The following DLEU7 variants were observed in gnomAD, a reference collection of about 807,000 sequenced individuals.
DLEU7 encodes deleted in lymphocytic leukemia 7.
In DLEU7, 17 loss-of-function variants were observed where a neutral mutation model predicts 16.0. The ratio of observed to expected loss-of-function variants is 1.06; its 90% CI spans 0.73 to 1.59. The LOEUF is 1.59. Among genes scored for constraint, DLEU7 ranks in the 40% most tolerant of loss-of-function variants. DLEU7 has a pLI of 0.00. For synonymous variants in DLEU7, 113 were observed against 139.8 expected (o/e 0.81, Z 1.35); for missense variants, 308 against 314.9 (o/e 0.98, Z 0.17).
intron 1 of DLEU7, among the ~76,000 whole-genome samples, chr13:50,796,967 A>G (rs539179822): frequency 5.6e-4 from 85 of 152,246 alleles, no homozygotes; most frequent in Non-Finnish European, 1.1e-3. Context: ...AATGCAGTTA[A>G]CACACTCTAA....
chr13:50,829,105 A>G (rs918990589), intron 1 of DLEU7, among the ~76,000 whole-genome samples: 1 of 152,188 alleles, frequency 6.6e-6, no homozygotes, highest in Non-Finnish European at 1.5e-5. Flanking sequence ...CTCATCAGCT[A>G]TCAGTAGTGT....
intron 1 of DLEU7, among the ~76,000 whole-genome samples, chr13:50,789,602 G>T (rs1875890777): frequency 6.6e-6 from 1 of 151,678 alleles, no homozygotes; most frequent in East Asian, 1.9e-4. Flanking sequence ...AAGTTATATG[G>T]CCTGTTAGTG....
chr13:50,812,508 T>G (rs947761242), intron 1 of DLEU7, among the ~76,000 whole-genome samples: 1 of 152,244 alleles, frequency 6.6e-6, no homozygotes, highest in South Asian at 2.1e-4. Flanking sequence ...AGAAAGGCCA[T>G]GACAAGATCA....
intron 1 of DLEU7, among the ~76,000 whole-genome samples, chr13:50,752,534 G>A (rs1287822387): frequency 6.6e-6 from 1 of 152,120 alleles, no homozygotes; most frequent in Admixed American, 6.5e-5. Flanking sequence ...TAAAGGCGGC[G>A]TGTCCAGAGT....
At position 50,742,318 on chromosome 13, in the gene DLEU7, GTTTATTGTCCTC is replaced by G. The variant is rs1229954044; in HGVS notation, c.460-29090_460-29079del. Among the ~76,000 whole-genome samples, 5 of 152,168 alleles carry G rather than the reference GTTTATTGTCCTC, an allele frequency of 3.3e-5. No individual in the cohort carries two copies. In the East Asian group the frequency reaches 9.6e-4, roughly 29 times the overall value. On this transcript the variant is annotated intron_variant, in intron 1 of 1. Coordinates refer to the DLEU7 transcript ENST00000400393. ...TTTATGTAAGAGCATTTGGTGGAAA[GTTTATTGTCCTC>G]TTATGTGTACTCTTCAAAATTGAAG...
intron 1 of DLEU7, among the ~76,000 whole-genome samples, chr13:50,833,242 G>A (rs1877337850): frequency 6.6e-6 from 1 of 152,280 alleles, no homozygotes; most frequent in South Asian, 2.1e-4. Context: ...CAAACAGGAA[G>A]AGAGGAAGTC....
At chr13:50,830,306 A>G (rs1332886134) in intron 1 of DLEU7, among the ~76,000 whole-genome samples, 4 of 152,272 alleles carry the variant, frequency 2.6e-5, no homozygotes, top group Non-Finnish European at 5.9e-5. Flanking sequence ...TAACTCAGCT[A>G]AATGAATTAG....
chr13:50,825,816 A>G (rs1288906323), intron 1 of DLEU7, among the ~76,000 whole-genome samples: 1 of 152,234 alleles, frequency 6.6e-6, no homozygotes, highest in Non-Finnish European at 1.5e-5. Flanking sequence ...TGCAGATATT[A>G]ACAGGAACAC....
chr13:50,760,743 C>A (rs1874903979), intron 1 of DLEU7, among the ~76,000 whole-genome samples: 1 of 152,154 alleles, frequency 6.6e-6, no homozygotes, highest in Admixed American at 6.5e-5. Flanking sequence ...TGTGATGAAT[C>A]TTAAATTTAA....
At chr13:50,773,327 A>T (rs1875387123) in intron 1 of DLEU7, among the ~76,000 whole-genome samples, 1 of 152,150 alleles carries the variant, frequency 6.6e-6, no homozygotes, top group Non-Finnish European at 1.5e-5. Flanking sequence ...AAGAGCTGTG[A>T]TCCTTTGGAG....
chr13:50,807,633 G>T (rs1876432974), intron 1 of DLEU7, among the ~76,000 whole-genome samples: 2 of 152,072 alleles, frequency 1.3e-5, no homozygotes, highest in Admixed American at 1.3e-4. Context: ...AAAGGCTATT[G>T]TAAGGGGAAG....
At chr13:50,747,903 G>T (rs756710836) in intron 1 of DLEU7, among the ~76,000 whole-genome samples, 26 of 152,236 alleles carry the variant, frequency 1.7e-4, no homozygotes, top group Non-Finnish European at 3.2e-4. Context: ...TTGCAAATGG[G>T]CATACTGGTG....
intron 1 of DLEU7, among the ~76,000 whole-genome samples, chr13:50,755,586 C>G (rs1336671509): frequency 6.6e-6 from 1 of 151,938 alleles, no homozygotes; most frequent in African/African-American, 2.4e-5. Context: ...AATATTTCTC[C>G]CTTCACTTCT....
At chr13:50,754,244 G>A (rs988028263) in intron 1 of DLEU7, among the ~76,000 whole-genome samples, 5 of 152,140 alleles carry the variant, frequency 3.3e-5, no homozygotes, top group African/African-American at 2.4e-5. Flanking sequence ...CTGTCTTGAC[G>A]ACCTGTCTAG....
In DLEU7 at chr13:50,775,167, T is replaced by C. The variant is rs151299273; in HGVS notation, c.460-61927A>G. 4.7e-3 allele frequency among the ~76,000 whole-genome samples: 713 copies of C among 152,072 alleles called. 1 individual carries two copies. Among genetic ancestry groups the C allele is most frequent in the Non-Finnish European group, 8.3e-3 (563 of 67,988 alleles). On this transcript the variant is annotated intron_variant, in intron 1 of 1. Coordinates refer to the DLEU7 transcript ENST00000400393. ...GTATCTTTGTAAGTCTAATAAATTT[T>C]AATTTCATACTAGATATTGTGGGTG...
intron 1 of DLEU7, among the ~76,000 whole-genome samples, chr13:50,784,075 T>C (rs1875733129): frequency 6.6e-6 from 1 of 152,228 alleles, no homozygotes. Flanking sequence ...CTGTGCAACC[T>C]GGATGCAGAG....
At chr13:50,798,561 CAT>C (rs1876161427) in intron 1 of DLEU7, among the ~76,000 whole-genome samples, 1 of 152,152 alleles carries the variant, frequency 6.6e-6, no homozygotes, top group South Asian at 2.1e-4. Context: ...ATCCTTAAAT[CAT>C]GTGTGCAGGG....
intron 1 of DLEU7, among the ~76,000 whole-genome samples, chr13:50,780,010 G>A (rs996126737): frequency 6.6e-6 from 1 of 152,092 alleles, no homozygotes. Flanking sequence ...AGATTAATGT[G>A]TTATCATCTT....
At chr13:50,755,274 C>T (rs1489436984) in intron 1 of DLEU7, among the ~76,000 whole-genome samples, 1 of 152,158 alleles carries the variant, frequency 6.6e-6, no homozygotes, top group Non-Finnish European at 1.5e-5. Context: ...TATTATTCCC[C>T]CAAATATGTT....
Sources: gnomAD v4.1 joint callset for allele counts (sites outside exome capture counted in the v4.1 genomes callset) on GRCh38, gnomAD v4.1.1 for gene constraint, MANE v1.5 for transcripts, NCBI Gene and HGNC (gene_info 2026-07-23, HGNC 2026-07-21) for gene names.